PPIP5K2: variants seen among roughly 807,000 people sequenced by gnomAD.
PPIP5K2 encodes the protein diphosphoinositol pentakisphosphate kinase 2, also known as inositol hexakisphosphate and diphosphoinositol-pentakisphosphate kinase 2.
A neutral mutation model predicts 154.6 loss-of-function variants in PPIP5K2; 105 were observed. The ratio of observed to expected loss-of-function variants is 0.68; its 90% CI spans 0.58 to 0.80. The LOEUF (loss-of-function observed/expected upper bound fraction) is 0.80, where lower values mean the gene tolerates loss of function less well. Among genes scored for constraint, PPIP5K2 ranks in the 30% least tolerant of loss-of-function variants. The pLI is 0.00. For synonymous variants in PPIP5K2, 480 were observed against 490.3 expected (o/e 0.98, Z 0.28); for missense variants, 992 against 1,504.6 (o/e 0.66, Z 5.64).
intron 6 of PPIP5K2, 149 bp from the exon 7 acceptor site, chr5:103,147,782 G>A: frequency 1.7e-6 from 1 of 573,772 alleles, no homozygotes; most frequent in Non-Finnish European, 3.1e-6. Context: ...CAAGTATATA[G>A]TAAGTTTTGT....
At chr5:103,140,149 TAAAA>T (rs5870043) in intron 5 of PPIP5K2, among the ~76,000 whole-genome samples, 105 of 145,736 alleles carry the variant, frequency 7.2e-4, no homozygotes, top group African/African-American at 2.3e-3. Flanking sequence ...GGGAAAATGT[TAAAA>T]AAAAAAAAAA....
intron 19 of PPIP5K2, 98 bp from the exon 20 acceptor site, chr5:103,173,057 T>G: frequency 1.0e-6 from 1 of 987,326 alleles, no homozygotes; most frequent in Non-Finnish European, 1.4e-6. Flanking sequence ...AAAGGCTTGA[T>G]AAAATATTTG....
chr5:103,198,940 G>C (rs1802543032), intron 30 of PPIP5K2, among the ~76,000 whole-genome samples: 1 of 151,262 alleles, frequency 6.6e-6, no homozygotes, highest in East Asian at 1.9e-4. Flanking sequence ...GACTTTTGCT[G>C]TATCTTTTTG....
chr5:103,151,014 T>C (rs1794569225), intron 8 of PPIP5K2, among the ~76,000 whole-genome samples: 1 of 151,996 alleles, frequency 6.6e-6, no homozygotes, highest in Non-Finnish European at 1.5e-5. Flanking sequence ...TTATGCGTTA[T>C]TGTTGTACAT....
chr5:103,163,364 G>A (rs1204000638), intron 17 of PPIP5K2, among the ~76,000 whole-genome samples: 1 of 151,586 alleles, frequency 6.6e-6, no homozygotes, highest in Non-Finnish European at 1.5e-5. Flanking sequence ...TTATAAATGG[G>A]CCCTCTTTAA....
At chr5:103,167,394 C>T in intron 18 of PPIP5K2, 74 bp downstream of exon 18, 1 of 1,236,890 alleles carries the variant, frequency 8.1e-7, no homozygotes, top group Non-Finnish European at 1.1e-6. Flanking sequence ...TATGATGCAC[C>T]AATCTTGTTG....
At position 103,153,289 on chromosome 5, in the gene PPIP5K2, G is replaced by T. The variant is rs183484384; in HGVS notation, c.1130+540G>T. The stretch of plus-strand genomic sequence containing the variant: ...CAAGTGTTAAATAAAATTTTTTTCA[G>T]GTAACTCAATTGATAATCCTGCAGG... On this transcript the variant is annotated intron_variant, in intron 10 of 30. Transcript: ENST00000358359. Among the ~76,000 whole-genome samples, 145 of 151,588 alleles carry T rather than the reference G, an allele frequency of 9.6e-4. 1 individual carries two copies. Among genetic ancestry groups the T allele is most frequent in the Non-Finnish European group, 4.3e-4 (29 of 67,668 alleles).
At chr5:103,198,790 G>T (rs376651763) in intron 30 of PPIP5K2, among the ~76,000 whole-genome samples, 92 of 152,086 alleles carry the variant, frequency 6.0e-4, no homozygotes, top group South Asian at 4.2e-3. Context: ...TAATGTAATT[G>T]TTGATATGTT....
At chr5:103,186,995 C>G (rs2149782957) in intron 27 of PPIP5K2, among the ~76,000 whole-genome samples, 1 of 152,198 alleles carries the variant, frequency 6.6e-6, no homozygotes, top group Admixed American at 6.5e-5. Flanking sequence ...AGAAGTGGCT[C>G]TAGCTCTTTC....
intron 10 of PPIP5K2, 97 bp from the exon 11 acceptor site, chr5:103,153,750 AT>A: frequency 1.4e-6 from 1 of 734,672 alleles, no homozygotes; most frequent in South Asian, 1.8e-5. Flanking sequence ...GTGGTAAAAG[AT>A]GGCTTTAAAT....
At chr5:103,200,930 G>T (rs1802883096) in intron 30 of PPIP5K2, among the ~76,000 whole-genome samples, 1 of 152,104 alleles carries the variant, frequency 6.6e-6, no homozygotes, top group African/African-American at 2.4e-5. Flanking sequence ...GAATCACCCT[G>T]CCTGGCCTAG....
chr5:103,153,264 CAAGTGTTA>C, intron 10 of PPIP5K2, among the ~76,000 whole-genome samples: 1 of 151,692 alleles, frequency 6.6e-6, no homozygotes, highest in Non-Finnish European at 1.5e-5. Context: ...ATTTAACACG[CAAGTGTTA>C]AATAAAATTT....
intron 28 of PPIP5K2, 101 bp from the exon 29 acceptor site, chr5:103,190,741 G>A (rs1801102079): frequency 1.9e-6 from 2 of 1,074,592 alleles, no homozygotes; most frequent in East Asian, 5.5e-5. Context: ...AGACTGAAAA[G>A]ACCTAAACTG....
At position 103,159,269 on chromosome 5, in the gene PPIP5K2, G is replaced by A; in HGVS notation, c.1861G>A (p.Ala621Thr). 5.0e-6 allele frequency: 8 copies of A among 1,613,244 alleles called. No individual in the cohort carries two copies. The highest frequency in any genetic ancestry group is 1.7e-4 in the Middle Eastern group (1 of 6,054). The change falls in exon 17 of 31, where the codon GCA (alanine) becomes ACA (threonine). Residue 621 changes from alanine (A) to threonine (T), a missense_variant. Physicochemically the swap from Ala to Thr is moderately conservative, Grantham distance 58. Coordinates refer to ENST00000358359, the MANE Select transcript of PPIP5K2 (RefSeq NM_001276277.3). ...GAGCAGTTGTCAGCAACGTGTGAAG[G>A]CAAGGCTTCATGAAATACTTCAGAA... ...SLSSCQQRVK[A>T]RLHEILQKDR...
intron 2 of PPIP5K2, 88 bp from the exon 3 acceptor site, chr5:103,133,365 T>A (rs1790957377): frequency 9.5e-7 from 1 of 1,055,560 alleles, no homozygotes; most frequent in Non-Finnish European, 1.4e-6. Context: ...ATCACATGCC[T>A]TATCTACTTT....
chr5:103,189,643 T>C (rs1003614405), intron 28 of PPIP5K2, among the ~76,000 whole-genome samples: 1 of 152,122 alleles, frequency 6.6e-6, no homozygotes, highest in African/African-American at 2.4e-5. Context: ...TGTTCTGTCA[T>C]GCTTTGGTTT....
chr5:103,204,385 C>T lies in PPIP5K2; in HGVS notation c.*2751C>T, dbSNP rs1431655267. 6.6e-6 allele frequency: 1 copy of T among 152,074 alleles called. No homozygotes were observed. The highest frequency in any genetic ancestry group is 1.9e-4 in the East Asian group (1 of 5,192). The allele number at this position is 152,074 out of a possible 1,614,324, so 9.4% of individuals were successfully genotyped here. ...CTTAGAGTGGCCCAGCAGTTTTAGC[C>T]CCTCTCTAATTCTCTTTTCCTGTGT... On this transcript the variant is annotated 3_prime_UTR_variant, in exon 31 of 31. Transcript: ENST00000358359.
In PPIP5K2 at chr5:103,211,804, G is replaced by A. The variant is rs1232350994; in HGVS notation, c.*10170G>A. 6.6e-6 allele frequency: 1 copy of A among 152,022 alleles called. No homozygotes were observed. The highest frequency in any genetic ancestry group is 1.9e-4 in the East Asian group (1 of 5,192). The allele number at this position is 152,022 out of a possible 1,614,324, so 9.4% of individuals were successfully genotyped here. A position where few individuals can be genotyped will look rare whatever the true frequency, so the allele number is the denominator to read the frequency against. ...TTTACTTTCTAATGAGGAACCAAGT[G>A]CTCAAAAGCAGTCATAAAGTTCATG... is the stretch of plus-strand genomic sequence containing the variant. On this transcript the variant is annotated 3_prime_UTR_variant, in exon 31 of 31. Coordinates refer to ENST00000358359, the MANE Select transcript of PPIP5K2 (RefSeq NM_001276277.3).
At chr5:103,186,873 G>A (rs1407423429) in intron 27 of PPIP5K2, among the ~76,000 whole-genome samples, 1 of 152,104 alleles carries the variant, frequency 6.6e-6, no homozygotes, top group African/African-American at 2.4e-5. Flanking sequence ...CACAGGATGA[G>A]AATATTTTAG....
Sources: gnomAD v4.1 joint callset for allele counts (sites outside exome capture counted in the v4.1 genomes callset) on GRCh38, gnomAD v4.1.1 for gene constraint, MANE v1.5 for transcripts, NCBI Gene and HGNC (gene_info 2026-07-23, HGNC 2026-07-21) for gene names.